HTR2C: variants seen among roughly 807,000 people sequenced by gnomAD.
The protein encoded by HTR2C is 5-hydroxytryptamine (serotonin) receptor 2C, G protein-coupled.
A neutral mutation model predicts 21.0 loss-of-function variants in HTR2C; 5 were observed. The observed-to-expected ratio is 0.24, with a 90% confidence interval of 0.12 to 0.50. HTR2C has a LOEUF of 0.50. Ranked by LOEUF, HTR2C falls within the 20% of genes least tolerant of loss-of-function variation. HTR2C has a pLI of 0.98. For synonymous variants in HTR2C, 150 were observed against 145.3 expected (o/e 1.03, Z -0.23); for missense variants, 271 against 371.2 (o/e 0.73, Z 2.22).
intron 4 of HTR2C, among the ~76,000 whole-genome samples, chrX:114,832,686 T>C (rs184806727): frequency 0.016 from 574 of 35,240 alleles, 107 homozygotes; most frequent in African/African-American, 0.031. Context: ...TTGAATACCC[T>C]TTATTTCTTT....
At chrX:114,618,366 A>T (rs1326154401) in intron 2 of HTR2C, among the ~76,000 whole-genome samples, 2 of 112,346 alleles carry the variant, frequency 1.8e-5, no homozygotes, top group African/African-American at 6.4e-5. Context: ...CATATTAGAT[A>T]ATAACAGTAA....
chrX:114,843,221 A>T (rs2070848281), intron 4 of HTR2C, among the ~76,000 whole-genome samples: 1 of 112,135 alleles, frequency 8.9e-6, no homozygotes, highest in Admixed American at 9.5e-5. Flanking sequence ...ATGGAGTAAG[A>T]ATTAAAGCAA....
At chrX:114,673,047 G>A (rs1224067932) in intron 2 of HTR2C, among the ~76,000 whole-genome samples, 3 of 111,667 alleles carry the variant, frequency 2.7e-5, no homozygotes, top group Non-Finnish European at 5.6e-5. Flanking sequence ...TCATTAATCA[G>A]CCAATTTTTT....
intron 2 of HTR2C, among the ~76,000 whole-genome samples, chrX:114,667,232 A>C (rs1556411033): frequency 1.3e-4 from 15 of 111,381 alleles, no homozygotes. Context: ...AAAAACAATA[A>C]AAATTAATTA....
At chrX:114,894,299 C>T (rs1203848266) in intron 5 of HTR2C, among the ~76,000 whole-genome samples, 1 of 111,708 alleles carries the variant, frequency 9.0e-6, no homozygotes, top group African/African-American at 3.3e-5. Flanking sequence ...AGCAACAATT[C>T]CTTCAAAGGA....
In HTR2C at chrX:114,731,582, C is replaced by T. The variant is rs2069538096; in HGVS notation, c.324C>T (p.Pro108=). 4 of 1,190,616 alleles carry T rather than the reference C, an allele frequency of 3.4e-6. No homozygotes were observed. In the East Asian group the frequency reaches 8.9e-5, roughly 27 times the overall value. Reference sequence around the variant, plus strand: ...TGCTAGTGGGACTACTTGTCATGCCCCTGTCTCTCCTGGCAATCCTTTATG... The same window carrying T: ...TGCTAGTGGGACTACTTGTCATGCCTCTGTCTCTCCTGGCAATCCTTTATG... ...ADMLVGLLVM[P]LSLLAILYDY... is the part of the protein sequence containing the mutation. The change falls in exon 4 of 6, where the codon CCC becomes CCT. Residue 108 remains proline, a synonymous_variant. Coordinates refer to ENST00000276198, the MANE Select transcript of HTR2C (RefSeq NM_000868.4).
At chrX:114,804,233 C>T (rs1409965466) in intron 4 of HTR2C, among the ~76,000 whole-genome samples, 1 of 111,845 alleles carries the variant, frequency 8.9e-6, no homozygotes, top group Non-Finnish European at 1.9e-5. Flanking sequence ...TTTTTCTAGT[C>T]TCAAAGTCCA....
chrX:114,735,625 G>A (rs1035822003), intron 4 of HTR2C, among the ~76,000 whole-genome samples: 7 of 109,391 alleles, frequency 6.4e-5, no homozygotes, highest in Admixed American at 2.0e-4. Flanking sequence ...TTCTATAAAC[G>A]AATGATAAGA....
intron 2 of HTR2C, among the ~76,000 whole-genome samples, chrX:114,622,714 C>G (rs983169028): frequency 8.9e-6 from 1 of 111,989 alleles, no homozygotes; most frequent in African/African-American, 3.2e-5. Context: ...CCAAAATAGG[C>G]AATACATCTG....
At chrX:114,826,231 G>A (rs986248479) in intron 4 of HTR2C, among the ~76,000 whole-genome samples, 4 of 109,605 alleles carry the variant, frequency 3.6e-5, no homozygotes, top group Admixed American at 9.8e-5. Context: ...CCACGATGCC[G>A]GGCTAAGTTT....
At chrX:114,713,516 G>A (rs1264207091) in intron 2 of HTR2C, among the ~76,000 whole-genome samples, 2 of 110,934 alleles carry the variant, frequency 1.8e-5, no homozygotes, top group Non-Finnish European at 1.9e-5. Context: ...GATAGAAACT[G>A]TCTCCATGGC....
chrX:114,767,743 A>C (rs987846692), intron 4 of HTR2C, among the ~76,000 whole-genome samples: 1 of 108,312 alleles, frequency 9.2e-6, no homozygotes, highest in Non-Finnish European at 1.9e-5. Flanking sequence ...ATATATATAA[A>C]ATAAATAAAT....
At chrX:114,703,873 G>A (rs1932658303) in intron 2 of HTR2C, among the ~76,000 whole-genome samples, 1 of 109,588 alleles carries the variant, frequency 9.1e-6, no homozygotes. Flanking sequence ...ATGATAAAGG[G>A]GATATCACCA....
At chrX:114,645,481 T>TA (rs199662793) in intron 2 of HTR2C, among the ~76,000 whole-genome samples, 14,724 of 108,575 alleles carry the variant, frequency 0.14, 906 homozygotes, top group South Asian at 0.31. Flanking sequence ...AACGTAATAA[T>TA]AAAAAAAATG....
chrX:114,847,404 A>G (rs1181198678), intron 4 of HTR2C, among the ~76,000 whole-genome samples: 2 of 75,175 alleles, frequency 2.7e-5, no homozygotes, highest in Non-Finnish European at 4.7e-5. Context: ...ACATGGACAC[A>G]GGAAGGGGAA....
In HTR2C at chrX:114,898,129, G is replaced by A. The variant is rs782442685; in HGVS notation, c.551-8460G>A. ...TGACATGAGATGATATCTCATTGTG[G>A]TTTTGATTTGCATTTCTCTAATAAT... On this transcript the variant is annotated intron_variant, in intron 5 of 5. Transcript: ENST00000276198. 2.7e-5 allele frequency among the ~76,000 whole-genome samples: 3 copies of A among 112,716 alleles called. No individual in the cohort carries two copies. In the South Asian group the frequency reaches 1.1e-3, roughly 41 times the overall value.
intron 4 of HTR2C, among the ~76,000 whole-genome samples, chrX:114,841,523 T>G (rs2070833184): frequency 9.0e-6 from 1 of 111,329 alleles, no homozygotes; most frequent in African/African-American, 3.3e-5. Context: ...AGGCCGATCA[T>G]GAGGTCAGGA....
chrX:114,614,901 A>G (rs781834408), intron 2 of HTR2C, among the ~76,000 whole-genome samples: 1 of 112,019 alleles, frequency 8.9e-6, no homozygotes, highest in Non-Finnish European at 1.9e-5. Flanking sequence ...GGAATTCTCA[A>G]TTAAATTTCT....
chrX:114,684,389 A>T (rs182397614), intron 2 of HTR2C, among the ~76,000 whole-genome samples: 299 of 112,130 alleles, frequency 2.7e-3, no homozygotes, highest in African/African-American at 9.0e-3. Context: ...TAAAGCTTAT[A>T]CTTATTTTAA....
Sources: gnomAD v4.1 joint callset for allele counts (sites outside exome capture counted in the v4.1 genomes callset) on GRCh38, gnomAD v4.1.1 for gene constraint, MANE v1.5 for transcripts, NCBI Gene and HGNC (gene_info 2026-07-23, HGNC 2026-07-21) for gene names.